LRMDA: variants seen among roughly 807,000 people sequenced by gnomAD.
The protein encoded by LRMDA is leucine rich melanocyte differentiation associated.
A neutral mutation model predicts 29.8 loss-of-function variants in LRMDA; 18 were observed. The ratio of observed to expected loss-of-function variants is 0.60; its 90% confidence interval spans 0.42 to 0.90. The LOEUF is 0.90. Among genes scored for constraint, LRMDA ranks in the 40% least tolerant of loss-of-function variants. The pLI, the probability that LRMDA is intolerant of heterozygous loss-of-function variation, is 0.00. For missense variants in LRMDA, 273 were observed against 273.9 expected (o/e 1.00, Z 0.02); for synonymous variants, 125 against 109.4 (o/e 1.14, Z -0.89).
At chr10:75,998,041 C>T (rs925963683) in intron 2 of LRMDA, among the ~76,000 whole-genome samples, 10 of 152,080 alleles carry the variant, frequency 6.6e-5, no homozygotes, top group Admixed American at 4.6e-4. Context: ...TACAAAGATG[C>T]GTTAATTCAG....
chr10:76,014,954 ACCT>A (rs1356587625), intron 2 of LRMDA, among the ~76,000 whole-genome samples: 6 of 152,124 alleles, frequency 3.9e-5, no homozygotes, highest in African/African-American at 1.4e-4. Context: ...TCAGGCCCAG[ACCT>A]CCTGACGTTT....
intron 6 of LRMDA, among the ~76,000 whole-genome samples, chr10:76,504,345 C>A (rs2132345529): frequency 6.6e-6 from 1 of 151,962 alleles, no homozygotes; most frequent in Non-Finnish European, 1.5e-5. Flanking sequence ...CTATTGGGTC[C>A]AATTGGCTGA....
At chr10:75,736,288 C>T (rs1467429971) in intron 2 of LRMDA, among the ~76,000 whole-genome samples, 3 of 152,180 alleles carry the variant, frequency 2.0e-5, no homozygotes, top group Non-Finnish European at 4.4e-5. Context: ...CCTAATAATG[C>T]AACAAAGCAC....
At chr10:75,594,720 G>A (rs1840765401) in intron 2 of LRMDA, among the ~76,000 whole-genome samples, 1 of 152,176 alleles carries the variant, frequency 6.6e-6, no homozygotes, top group African/African-American at 2.4e-5. Context: ...GACAGCGTTT[G>A]TTAAATCTCA....
chr10:76,389,725 A>G (rs1175134819), intron 6 of LRMDA, among the ~76,000 whole-genome samples: 1 of 146,182 alleles, frequency 6.8e-6, no homozygotes, highest in Non-Finnish European at 1.5e-5. Flanking sequence ...AATTAATATT[A>G]TGTGGACTTT....
At chr10:76,292,626 AT>A (rs1165464296) in intron 5 of LRMDA, among the ~76,000 whole-genome samples, 1 of 152,110 alleles carries the variant, frequency 6.6e-6, no homozygotes, top group Non-Finnish European at 1.5e-5. Context: ...CTTTACTTCC[AT>A]TTTTATCAAC....
intron 5 of LRMDA, among the ~76,000 whole-genome samples, chr10:76,161,348 T>G (rs1014948899): frequency 1.3e-5 from 2 of 152,198 alleles, no homozygotes; most frequent in African/African-American, 2.4e-5. Context: ...TTCTTGATTT[T>G]GAATTATACA....
intron 2 of LRMDA, among the ~76,000 whole-genome samples, chr10:75,864,301 C>A (rs7898295): frequency 0.56 from 84,870 of 151,960 alleles, 24,294 homozygotes; most frequent in East Asian, 0.8. Flanking sequence ...TGAAGGAAGC[C>A]GGATGTGCTC....
chr10:76,199,154 A>G (rs1369396659), intron 5 of LRMDA, among the ~76,000 whole-genome samples: 2 of 152,176 alleles, frequency 1.3e-5, no homozygotes, highest in Non-Finnish European at 2.9e-5. Flanking sequence ...TCGTTCTAAT[A>G]TTAAATTTTG....
chr10:76,458,175 T>C (rs904727422), intron 6 of LRMDA, among the ~76,000 whole-genome samples: 5 of 139,310 alleles, frequency 3.6e-5, no homozygotes, highest in African/African-American at 7.8e-5. Flanking sequence ...TGGCCTGTTT[T>C]GTATATATTT....
At chr10:75,777,713 A>T (rs1441387035) in intron 2 of LRMDA, among the ~76,000 whole-genome samples, 2 of 152,168 alleles carry the variant, frequency 1.3e-5, no homozygotes, top group African/African-American at 2.4e-5. Context: ...GCCACTCACT[A>T]GTTCTGTGAT....
chr10:75,927,665 C>T (rs1846142005), intron 2 of LRMDA, among the ~76,000 whole-genome samples: 1 of 152,194 alleles, frequency 6.6e-6, no homozygotes, highest in African/African-American at 2.4e-5. Flanking sequence ...GTGCTATTTC[C>T]ACTTTGCAAA....
At chr10:76,369,572 C>A (rs936712887) in intron 6 of LRMDA, among the ~76,000 whole-genome samples, 5 of 152,096 alleles carry the variant, frequency 3.3e-5, no homozygotes, top group African/African-American at 1.2e-4. Flanking sequence ...ATTTGGATAA[C>A]CTGATGACAA....
chr10:76,375,101 A>C (rs1841500271), intron 6 of LRMDA, among the ~76,000 whole-genome samples: 1 of 152,184 alleles, frequency 6.6e-6, no homozygotes, highest in Non-Finnish European at 1.5e-5. Context: ...CTAAAAGTTC[A>C]GTATACTTTT....
intron 6 of LRMDA, among the ~76,000 whole-genome samples, chr10:76,537,432 C>T (rs1456803077): frequency 6.6e-6 from 1 of 152,206 alleles, no homozygotes; most frequent in East Asian, 1.9e-4. Context: ...CTCTGTAGGT[C>T]AGAAGTCTGA....
intron 5 of LRMDA, among the ~76,000 whole-genome samples, chr10:76,252,974 C>T (rs943442178): frequency 6.6e-6 from 1 of 152,214 alleles, no homozygotes; most frequent in African/African-American, 2.4e-5. Flanking sequence ...GCATCCCACC[C>T]AGGACATGCA....
intron 2 of LRMDA, among the ~76,000 whole-genome samples, chr10:75,931,890 A>G (rs1182639849): frequency 6.6e-6 from 1 of 152,152 alleles, no homozygotes; most frequent in Non-Finnish European, 1.5e-5. Flanking sequence ...CCAAACCATC[A>G]TATCCTATTG....
At chr10:75,836,982 G>GA (rs1180235868) in intron 2 of LRMDA, among the ~76,000 whole-genome samples, 9 of 152,030 alleles carry the variant, frequency 5.9e-5, no homozygotes, top group Non-Finnish European at 2.9e-5. Flanking sequence ...AGAATGAATA[G>GA]AAAAAATATC....
At chr10:75,854,068 T>C (rs1217071478) in intron 2 of LRMDA, among the ~76,000 whole-genome samples, 1 of 152,164 alleles carries the variant, frequency 6.6e-6, no homozygotes, top group African/African-American at 2.4e-5. Context: ...GCTTGCGTTT[T>C]AGAGTTGTGG....
Sources: allele counts gnomAD v4.1 joint callset (sites outside exome capture counted in the v4.1 genomes callset), GRCh38; gene constraint gnomAD v4.1.1; transcripts MANE v1.5; gene names NCBI Gene and HGNC (gene_info 2026-07-23, HGNC 2026-07-21).